Variants in PECR observed in about 807,000 individuals in gnomAD.
PECR encodes peroxisomal trans-2-enoyl-CoA reductase.
PECR carries 30 observed loss-of-function variants against 35.3 expected under a neutral mutation model. That is an observed-to-expected ratio of 0.85 (90% confidence interval 0.64 to 1.15). PECR has a LOEUF of 1.15. Ranked by LOEUF, PECR falls within the 50% of genes most tolerant of loss-of-function variation. The probability of loss-of-function intolerance (pLI) is 0.00; values close to 1 mark genes in which losing one functional copy is unlikely to be tolerated. For missense variants in PECR, 392 were observed against 370.8 expected (o/e 1.06, Z -0.47); for synonymous variants, 148 against 138.9 (o/e 1.07, Z -0.46).
chr2:216,078,765 G>A (rs1017008656), intron 1 of PECR, among the ~76,000 whole-genome samples: 1 of 152,074 alleles, frequency 6.6e-6, no homozygotes, highest in Non-Finnish European at 1.5e-5. Flanking sequence ...AAGATTACAA[G>A]ACCAATGTCC....
At chr2:216,049,153 C>T in intron 6 of PECR, 110 bp downstream of exon 6, 1 of 765,604 alleles carries the variant, frequency 1.3e-6, no homozygotes, top group Non-Finnish European at 2.4e-6. Context: ...AAATGTTCTG[C>T]TGGCAGTGGG....
intron 4 of PECR, among the ~76,000 whole-genome samples, chr2:216,054,987 C>G (rs1232298969): frequency 1.3e-5 from 2 of 151,952 alleles, no homozygotes; most frequent in African/African-American, 4.8e-5. Context: ...TGGCGTGCAC[C>G]TGTAATCCCA....
intron 7 of PECR, among the ~76,000 whole-genome samples, chr2:216,042,911 C>T (rs1336100011): frequency 6.7e-6 from 1 of 148,618 alleles, no homozygotes; most frequent in African/African-American, 2.5e-5. Flanking sequence ...TGCCCGCCAC[C>T]ACACCCGACT....
At chr2:216,035,228 C>T (rs955094487), downstream of PECR, among the ~76,000 whole-genome samples, 6 of 152,156 alleles carry the variant, frequency 3.9e-5, no homozygotes, top group African/African-American at 1.4e-4. Flanking sequence ...GGTTTTGCTT[C>T]CTGACCCGTG....
chr2:216,062,510 TA>T (rs1165361126), intron 3 of PECR, among the ~76,000 whole-genome samples: 1 of 152,182 alleles, frequency 6.6e-6, no homozygotes, highest in Non-Finnish European at 1.5e-5. Context: ...ACCAATAATT[TA>T]TATGTGGATT....
chr2:216,043,936 C>T lies in PECR; in HGVS notation c.794G>A (p.Arg265Gln), dbSNP rs773331067. Residue 265 changes from arginine (R) to glutamine (Q), a missense_variant, in exon 7 of 8, where the codon CGG (arginine) becomes CAG (glutamine). Physicochemically the swap from Arg to Gln is conservative, Grantham distance 43. Transcript: ENST00000265322. ...CTCATACGAGTGAGTATAGAGACTC[C>T]GGCCCCCATCCACATCCACCGACTG... ...TGQSVDVDGGRSLYTHSYEVP... is the reference protein window; with the variant it reads ...TGQSVDVDGGQSLYTHSYEVP... The T allele has an allele frequency of 1.3e-5, 21 of 1,609,152 alleles. No individual in the cohort carries two copies. The highest frequency in any genetic ancestry group is 4.4e-5 in the South Asian group (4 of 90,970).
intron 7 of PECR, among the ~76,000 whole-genome samples, chr2:216,042,906 G>A (rs4674052): frequency 0.69 from 100,922 of 147,042 alleles, 34,880 homozygotes; most frequent in African/African-American, 0.73. Flanking sequence ...ACAGGTGCCC[G>A]CCACCACACC....
At chr2:216,058,772 T>C in intron 4 of PECR, 123 bp downstream of exon 4, 1 of 661,124 alleles carries the variant, frequency 1.5e-6, no homozygotes, top group South Asian at 1.8e-5. Context: ...ATGTTAACTG[T>C]TAGAATCACA....
chr2:216,039,350 G>C lies in PECR; in HGVS notation c.837C>G (p.Asn279Lys), dbSNP rs1456233120. Residue 279 changes from asparagine to lysine, a missense_variant, in exon 8 of 8, where the codon AAC becomes AAG. Asn to Lys is a moderately conservative substitution (Grantham distance 94). Coordinates refer to ENST00000265322, the MANE Select transcript of PECR (RefSeq NM_018441.6). ...AAAGGTCCCCTGCTCCCTTGGGCCAGTTGTCATGATCTGTTAAAGAAGTGG... is the reference window on the plus strand; with the variant it reads ...AAAGGTCCCCTGCTCCCTTGGGCCACTTGTCATGATCTGTTAAAGAAGTGG... ...THSYEVPDHD[N>K]WPKGAGDLSV... 1.9e-6 allele frequency: 3 copies of C among 1,599,144 alleles called. No individual in the cohort carries two copies. Among genetic ancestry groups the C allele is most frequent in the East Asian group, 4.5e-5 (2 of 44,786 alleles).
intron 7 of PECR, among the ~76,000 whole-genome samples, chr2:216,043,409 CA>C (rs772491708): frequency 1.3e-4 from 20 of 152,080 alleles, no homozygotes; most frequent in African/African-American, 3.9e-4. Flanking sequence ...CATACCCGGC[CA>C]AATTTCTGTT....
At chr2:216,050,587 C>T (rs1695093835) in intron 5 of PECR, among the ~76,000 whole-genome samples, 1 of 152,146 alleles carries the variant, frequency 6.6e-6, no homozygotes, top group Non-Finnish European at 1.5e-5. Context: ...ACAGATAACA[C>T]CTACTGATAT....
chr2:216,037,410 T>C (rs967180257), downstream of PECR, among the ~76,000 whole-genome samples: 1 of 152,214 alleles, frequency 6.6e-6, no homozygotes. Context: ...ACACAGGTCA[T>C]GTGAAAGCAA....
chr2:216,077,801 C>T (rs771425994), intron 1 of PECR, among the ~76,000 whole-genome samples: 72 of 131,980 alleles, frequency 5.5e-4, no homozygotes, highest in Admixed American at 1.2e-3. Context: ...AGCAAGACTC[C>T]GTCTCAAAAA....
intron 3 of PECR, among the ~76,000 whole-genome samples, chr2:216,063,167 T>C (rs1057253998): frequency 1.3e-5 from 2 of 152,238 alleles, no homozygotes; most frequent in South Asian, 2.1e-4. Flanking sequence ...GGCAGTGATA[T>C]CTGGCAATAT....
intron 4 of PECR, chr2:216,057,869 T>C (rs79926373): frequency 0.033 from 4,957 of 152,256 alleles, 117 homozygotes; most frequent in Non-Finnish European, 0.046. Context: ...CTCTGGGACC[T>C]GCTGGCACCA....
chr2:216,049,066 A>C (rs1695052505), intron 6 of PECR, among the ~76,000 whole-genome samples, 197 bp downstream of exon 6: 1 of 152,212 alleles, frequency 6.6e-6, no homozygotes, highest in East Asian at 1.9e-4. Context: ...TTTATACCAC[A>C]TTCACTCTCA....
At chr2:216,044,778 T>A (rs1694959731) in intron 6 of PECR, among the ~76,000 whole-genome samples, 1 of 152,152 alleles carries the variant, frequency 6.6e-6, no homozygotes. Flanking sequence ...AACTGATGAG[T>A]TCAGCAACAT....
At chr2:216,062,935 A>G (rs1182980454) in intron 3 of PECR, among the ~76,000 whole-genome samples, 2 of 152,214 alleles carry the variant, frequency 1.3e-5, no homozygotes, top group African/African-American at 4.8e-5. Flanking sequence ...AGGCTATACC[A>G]TCTAGGTTTG....
At chr2:216,043,660 G>C (rs1003405682) in intron 7 of PECR, among the ~76,000 whole-genome samples, 1 of 151,588 alleles carries the variant, frequency 6.6e-6, no homozygotes, top group African/African-American at 2.4e-5. Flanking sequence ...TATTTTTCAG[G>C]GTTCAAATTC....
Sources: allele counts gnomAD v4.1 joint callset (sites outside exome capture counted in the v4.1 genomes callset), GRCh38; gene constraint gnomAD v4.1.1; transcripts MANE v1.5; gene names NCBI Gene and HGNC (gene_info 2026-07-23, HGNC 2026-07-21).